The following BTBD8 variants were observed in gnomAD, a reference collection of about 807,000 sequenced individuals.
BTBD8 encodes BTB/POZ domain-containing protein 8.
BTBD8 carries 110 observed loss-of-function variants against 162.9 expected under a neutral mutation model. The observed-to-expected ratio is 0.68, with a 90% CI of 0.58 to 0.79. The LOEUF (loss-of-function observed/expected upper bound fraction) is 0.79. BTBD8 is among the 30% of genes least tolerant of loss of function. The pLI is 0.00. For missense variants in BTBD8, 1,905 were observed against 2,085.4 expected (o/e 0.91, Z 1.68); for synonymous variants, 667 against 716.1 (o/e 0.93, Z 1.10).
intron 2 of BTBD8, among the ~76,000 whole-genome samples, chr1:92,099,072 A>G (rs1182217476): frequency 6.6e-6 from 1 of 152,160 alleles, no homozygotes; most frequent in Non-Finnish European, 1.5e-5. Context: ...ATTTTTGTAT[A>G]TGGTATGAGG....
intron 13 of BTBD8, among the ~76,000 whole-genome samples, chr1:92,174,849 G>A (rs1015859119): frequency 1.3e-5 from 2 of 152,066 alleles, no homozygotes; most frequent in Non-Finnish European, 2.9e-5. Flanking sequence ...TTTTATCACC[G>A]TGCTTTCCTT....
At chr1:92,129,647 G>T (rs1649458687) in intron 4 of BTBD8, 40 bp from the exon 5 acceptor site, 8 of 1,417,146 alleles carry the variant, frequency 5.6e-6, no homozygotes, top group Non-Finnish European at 8.0e-6. Flanking sequence ...TGAATAATAT[G>T]TAAATGTTTA....
intron 9 of BTBD8, among the ~76,000 whole-genome samples, chr1:92,155,042 G>C (rs1295097643): frequency 1.3e-5 from 2 of 152,110 alleles, no homozygotes; most frequent in East Asian, 3.9e-4. Context: ...GTGTATTCTT[G>C]GCACCTTTAC....
chr1:92,089,787 A>C (rs902952763), intron 2 of BTBD8, among the ~76,000 whole-genome samples: 2 of 152,192 alleles, frequency 1.3e-5, no homozygotes, highest in African/African-American at 2.4e-5. Flanking sequence ...AAGTTTCATC[A>C]TATGAATTTT....
At chr1:92,121,949 G>A (rs1649223723) in intron 4 of BTBD8, among the ~76,000 whole-genome samples, 1 of 151,866 alleles carries the variant, frequency 6.6e-6, no homozygotes, top group African/African-American at 2.4e-5. Context: ...GGGACTACAG[G>A]CACACACTAC....
chr1:92,152,541 A>G (rs532031), intron 9 of BTBD8, among the ~76,000 whole-genome samples: 1 of 152,114 alleles, frequency 6.6e-6, no homozygotes, highest in African/African-American at 2.4e-5. Context: ...GTAACCAGGG[A>G]TATGGAGACT....
chr1:92,093,462 G>T (rs1201863740), intron 2 of BTBD8, among the ~76,000 whole-genome samples: 1 of 152,028 alleles, frequency 6.6e-6, no homozygotes, highest in East Asian at 1.9e-4. Flanking sequence ...AAAGTGCTAG[G>T]GTTACAGGTG....
intron 4 of BTBD8, chr1:92,115,669 A>G: frequency 2.8e-6 from 1 of 351,070 alleles, no homozygotes; most frequent in Non-Finnish European, 5.5e-6. Context: ...ATACTGGAAC[A>G]TGTAGACCAT....
intron 5 of BTBD8, among the ~76,000 whole-genome samples, chr1:92,136,369 C>T (rs1649635697): frequency 6.7e-6 from 1 of 150,354 alleles, no homozygotes; most frequent in Non-Finnish European, 1.5e-5. Flanking sequence ...TTTTATGAAC[C>T]TGCCATTGAG....
rs1647965833 is a variant in BTBD8 at position 92,080,437 on chromosome 1, G to T, written c.-135G>T. 5 of 1,299,982 alleles carry T rather than the reference G, an allele frequency of 3.8e-6. No individual in the cohort carries two copies. The highest frequency in any genetic ancestry group is 5.2e-6 in the Non-Finnish European group (5 of 963,780). The allele number at this position is 1,299,982 out of a possible 1,614,324, so 80.5% of individuals were successfully genotyped here. A position where few individuals can be genotyped will look rare whatever the true frequency, so the allele number is the denominator to read the frequency against. ...GGAGACTGTCTACAAACCGACGAGA[G>T]GCGTCAACCTTTTACCCTAGGGGGC... On this transcript the variant is annotated 5_prime_UTR_variant, in exon 1 of 18. In the 5' UTR this introduces an upstream ATG that the reference lacks. Coordinates refer to ENST00000636805, the MANE Select transcript of BTBD8 (RefSeq NM_001376131.1).
chr1:92,168,844 C>A, intron 11 of BTBD8, 22 bp from the exon 12 acceptor site: 1 of 1,492,794 alleles, frequency 6.7e-7, no homozygotes, highest in Non-Finnish European at 9.1e-7. Context: ...TCACCAGCTG[C>A]TGATTTGTTG....
At chr1:92,157,314 T>C (rs1650181694) in intron 9 of BTBD8, among the ~76,000 whole-genome samples, 1 of 152,196 alleles carries the variant, frequency 6.6e-6, no homozygotes, top group Non-Finnish European at 1.5e-5. Flanking sequence ...TTGTTAAGAC[T>C]TATTTTGTGA....
chr1:92,178,594 G>T, intron 16 of BTBD8, 143 bp downstream of exon 16: 1 of 683,290 alleles, frequency 1.5e-6, no homozygotes, highest in East Asian at 2.9e-5. Flanking sequence ...ATAGAGATGA[G>T]ATTGTAAACT....
intron 3 of BTBD8, among the ~76,000 whole-genome samples, chr1:92,103,293 A>G (rs1648646293): frequency 6.6e-6 from 1 of 152,246 alleles, no homozygotes; most frequent in Non-Finnish European, 1.5e-5. Flanking sequence ...ACAATTACTT[A>G]CGTGATTTAT....
At chr1:92,097,430 G>A (rs1173700892) in intron 2 of BTBD8, among the ~76,000 whole-genome samples, 34 of 152,114 alleles carry the variant, frequency 2.2e-4, no homozygotes, top group Non-Finnish European at 5.9e-5. Flanking sequence ...ATTCTAAAGT[G>A]TATGAGTCAG....
At chr1:92,159,732 C>G (rs1650241736) in intron 9 of BTBD8, among the ~76,000 whole-genome samples, 1 of 152,168 alleles carries the variant, frequency 6.6e-6, no homozygotes, top group Non-Finnish European at 1.5e-5. Context: ...ATTGCACTCC[C>G]TTATTGCCTG....
rs1402826611 is a variant in BTBD8 at position 92,184,137 on chromosome 1, T to G, written c.5186T>G (p.Ile1729Ser). The G allele has an allele frequency of 1.3e-6, 2 of 1,551,672 alleles. No homozygotes were observed. The highest frequency in any genetic ancestry group is 1.7e-6 in the Non-Finnish European group (2 of 1,146,890). The change falls in exon 18 of 18, where the codon ATC (isoleucine) becomes AGC (serine). Residue 1729 changes from isoleucine to serine, a missense_variant. By Grantham distance (142) the Ile-to-Ser change is moderately radical. Coordinates refer to ENST00000636805, the MANE Select transcript of BTBD8 (RefSeq NM_001376131.1). ...GACTTAAGTTTAGCACAGTATCTAATCAATCAGACACTACTTTTAGCACGA... is the reference window on the plus strand; with the variant it reads ...GACTTAAGTTTAGCACAGTATCTAAGCAATCAGACACTACTTTTAGCACGA... ...PEDLSLAQYLINQTLLLARDS... is the reference protein window; with the variant it reads ...PEDLSLAQYLSNQTLLLARDS...
At chr1:92,176,746 G>T in intron 13 of BTBD8, 83 bp from the exon 14 acceptor site, 2 of 677,482 alleles carry the variant, frequency 3.0e-6, no homozygotes, top group East Asian at 3.0e-5. Context: ...TTTTTTCTTT[G>T]AAAGACTGGC....
intron 3 of BTBD8, among the ~76,000 whole-genome samples, chr1:92,106,689 A>AAAAAAAAAAAT (rs1648738027): frequency 2.0e-5 from 3 of 147,450 alleles, no homozygotes; most frequent in African/African-American, 5.0e-5. Flanking sequence ...AAAAAAAAAA[A>AAAAAAAAAAAT]GTGTAGTCCT....
Sources: gnomAD v4.1 joint callset for allele counts (sites outside exome capture counted in the v4.1 genomes callset) on GRCh38, gnomAD v4.1.1 for gene constraint, MANE v1.5 for transcripts, NCBI Gene and HGNC (gene_info 2026-07-23, HGNC 2026-07-21) for gene names.